Variants in TMEM40 observed in about 807,000 individuals in gnomAD.
TMEM40 encodes the protein transmembrane protein 40.
In TMEM40, 34 loss-of-function variants were observed where a neutral mutation model predicts 40.8. The ratio of observed to expected loss-of-function variants is 0.83; its 90% CI spans 0.63 to 1.11. The LOEUF is 1.11. Among genes scored for constraint, TMEM40 ranks in the 50% least tolerant of loss-of-function variants. The pLI, the probability that TMEM40 is intolerant of heterozygous loss-of-function variation, is 0.00. For missense variants in TMEM40, 296 were observed against 280.2 expected, an observed-to-expected ratio of 1.06 and a Z score of -0.40; for synonymous variants, 106 against 107.0, an observed-to-expected ratio of 0.99 and a Z score of 0.06.
chr3:12,742,638 C>T, intron 4 of TMEM40, 131 bp from the exon 5 acceptor site: 1 of 1,053,278 alleles, frequency 9.5e-7, no homozygotes, highest in Non-Finnish European at 1.4e-6. Context: ...GGGCAGTCTT[C>T]AGGAGGCAAG....
At chr3:12,738,403 GC>G (rs1559524835) in intron 6 of TMEM40, 149 bp downstream of exon 6, 3 of 1,023,408 alleles carry the variant, frequency 2.9e-6, no homozygotes, top group Non-Finnish European at 3.0e-6. Flanking sequence ...GGCCCAGCCT[GC>G]TTGATGAGCC....
upstream of TMEM40, among the ~76,000 whole-genome samples, chr3:12,762,915 G>C (rs1229458158): frequency 6.6e-6 from 1 of 152,090 alleles, no homozygotes; most frequent in Non-Finnish European, 1.5e-5. Context: ...TGTAATCCCA[G>C]CACTTTGGGA....
chr3:12,748,851 C>A (rs190231386), intron 2 of TMEM40, 59 bp from the exon 3 acceptor site: 6 of 1,491,324 alleles, frequency 4.0e-6, no homozygotes, highest in African/African-American at 1.4e-5. Context: ...CCCCAGGGAC[C>A]ACCCAGTCCT....
At chr3:12,737,686 C>A in intron 8 of TMEM40, 21 bp downstream of exon 8, 1 of 1,613,716 alleles carries the variant, frequency 6.2e-7, no homozygotes, top group Non-Finnish European at 8.5e-7. Flanking sequence ...AAAAGCAGCT[C>A]TGCTACACCA....
At chr3:12,768,354 G>C (rs909063252) in intron 1 of TMEM40, among the ~76,000 whole-genome samples, 4 of 147,618 alleles carry the variant, frequency 2.7e-5, no homozygotes, top group African/African-American at 9.9e-5. Flanking sequence ...CTGCTGGCTG[G>C]GGCAGCCTGC....
chr3:12,736,447 G>T, intron 10 of TMEM40, 131 bp downstream of exon 10: 2 of 1,179,530 alleles, frequency 1.7e-6, no homozygotes, highest in Non-Finnish European at 2.4e-6. Flanking sequence ...ACCGCGCCTG[G>T]CCAGAAAATT....
chr3:12,755,071 C>T (rs1292225478), intron 1 of TMEM40, among the ~76,000 whole-genome samples: 1 of 140,718 alleles, frequency 7.1e-6, no homozygotes, highest in Non-Finnish European at 1.5e-5. Flanking sequence ...TTCTTTCCTT[C>T]TTTCTTTCCT....
In TMEM40 at chr3:12,750,393, G is replaced by A. The variant is rs531526182; in HGVS notation, c.-8-553C>T. Among the ~76,000 whole-genome samples, 7 of 152,190 alleles carry A rather than the reference G, an allele frequency of 4.6e-5. No individual in the cohort carries two copies. In the East Asian group the frequency reaches 7.7e-4, roughly 17 times the overall value. ...GGCAAGGGAATCCTGGGCCCCGGCC[G>A]GCCTCACACACAGAGCCACCTGCCA... On this transcript the variant is annotated intron_variant, in intron 1 of 11. Transcript: ENST00000314124.
chr3:12,738,977 A>C (rs1575731222), intron 5 of TMEM40: 1 of 206,472 alleles, frequency 4.8e-6, no homozygotes, highest in Non-Finnish European at 1.0e-5. Context: ...AGATGGTGAA[A>C]CCCCGTCTCT....
At chr3:12,738,283 A>G in intron 6 of TMEM40, 115 bp from the exon 7 acceptor site, 1 of 1,219,490 alleles carries the variant, frequency 8.2e-7, no homozygotes, top group Non-Finnish European at 1.2e-6. Flanking sequence ...GGAATTCTGC[A>G]GCCCCCACGG....
chr3:12,755,141 C>T (rs1156673821), intron 1 of TMEM40, among the ~76,000 whole-genome samples: 5 of 135,840 alleles, frequency 3.7e-5, no homozygotes, highest in African/African-American at 1.1e-4. Context: ...CTTTTCTTTC[C>T]TTCTCTTTCT....
intron 1 of TMEM40, among the ~76,000 whole-genome samples, chr3:12,755,213 T>TCTCTCTCTCTCTC (rs1233789779): frequency 3.2e-5 from 3 of 94,264 alleles, no homozygotes; most frequent in African/African-American, 1.3e-4. Context: ...CTTTCTTTCT[T>TCTCTCTCTCTCTC]TCTCTCTCTC....
At position 12,742,374 on chromosome 3, in the gene TMEM40, C is replaced by T. The variant is rs973351007; in HGVS notation, c.355+80G>A. ...GACTTTTCAGCTCATGAATCACCCT[C>T]ATGACCTTGTTTCTGCCCAGCAAAG... is the stretch of plus-strand genomic sequence containing the variant. On this transcript the variant is annotated intron_variant, in intron 5 of 11. Transcript: ENST00000314124. The T allele has an allele frequency of 1.9e-6, 3 of 1,538,742 alleles. No homozygotes were observed. The African/African-American group carries it at 4.1e-5, about 21-fold the overall frequency.
intron 1 of TMEM40, among the ~76,000 whole-genome samples, chr3:12,768,283 G>A (rs2061603709): frequency 6.6e-6 from 1 of 152,116 alleles, no homozygotes; most frequent in Non-Finnish European, 1.5e-5. Flanking sequence ...AGCCAGCGTG[G>A]ACCCAAAGAG....
upstream of TMEM40, among the ~76,000 whole-genome samples, chr3:12,760,117 G>A (rs573399275): frequency 6.6e-6 from 1 of 152,196 alleles, no homozygotes; most frequent in Non-Finnish European, 1.5e-5. Context: ...TGTTGGTCCT[G>A]CCTTCAGTAT....
rs1485394610 is a variant in TMEM40, at chr3:12,738,185, C to G, written c.392-17G>C. On this transcript the variant is annotated splice_polypyrimidine_tract_variant and intron_variant, in intron 6 of 11. Transcript: ENST00000314124. ...TTCGGAGTCCTGGAAACAAGAAACT[C>G]AACATTAGTGCCCAACCCCGCTTGG... The G allele has an allele frequency of 1.2e-6, 2 of 1,613,836 alleles. No individual in the cohort carries two copies. The highest frequency in any genetic ancestry group is 8.5e-7 in the Non-Finnish European group (1 of 1,179,900).
At chr3:12,753,167 C>T (rs1196623248) in intron 1 of TMEM40, among the ~76,000 whole-genome samples, 3 of 151,582 alleles carry the variant, frequency 2.0e-5, no homozygotes, top group African/African-American at 7.3e-5. Context: ...TATTCCTCCT[C>T]CACACATTTT....
intron 1 of TMEM40, among the ~76,000 whole-genome samples, chr3:12,755,829 T>G (rs2061523131): frequency 6.6e-6 from 1 of 152,196 alleles, no homozygotes. Flanking sequence ...TGCCATATAT[T>G]GTGGCGTGCA....
At position 12,767,470 on chromosome 3, in the gene TMEM40, C is replaced by T. The variant is rs6791169; in HGVS notation, c.-9+1781G>A. ...CAGGAGCTTCGGTTCACCTTCTCTA[C>T]GGTCAAGTATGAGCTCTGAGGTCCT... is the stretch of plus-strand genomic sequence containing the variant. On this transcript the variant is annotated intron_variant, in intron 1 of 11. Coordinates refer to the TMEM40 transcript ENST00000264728. 7.2e-4 allele frequency among the ~76,000 whole-genome samples: 109 copies of T among 152,242 alleles called. 1 individual carries two copies. The highest frequency in any genetic ancestry group is 2.4e-3 in the African/African-American group (98 of 41,532).
Sources: gnomAD v4.1 joint callset for allele counts (sites outside exome capture counted in the v4.1 genomes callset) on GRCh38, gnomAD v4.1.1 for gene constraint, MANE v1.5 for transcripts, NCBI Gene and HGNC (gene_info 2026-07-23, HGNC 2026-07-21) for gene names.